SAMTOR: variants seen among roughly 807,000 people sequenced by gnomAD.
The protein encoded by SAMTOR is UPF0532 protein C7orf60.
At chr7:112,939,794 A>G in the SAMTOR span, 1 of 1,496,734 alleles carries the variant, frequency 6.7e-7, no homozygotes, top group Non-Finnish European at 9.1e-7. Flanking sequence ...GCCCCCGCAG[A>G]CGCTCCCCAG....
the SAMTOR span, among the ~76,000 whole-genome samples, chr7:112,933,494 T>G: frequency 0.023 from 3,443 of 152,334 alleles, 67 homozygotes; most frequent in Admixed American, 0.042. Context: ...CTACCTATTA[T>G]TGAAAAATCA....
chr7:112,884,815 C>T, the SAMTOR span, among the ~76,000 whole-genome samples: 1 of 152,214 alleles, frequency 6.6e-6, no homozygotes, highest in East Asian at 1.9e-4. Flanking sequence ...TAAAACTCTG[C>T]TAGGCAGTGC....
the SAMTOR span, among the ~76,000 whole-genome samples, chr7:112,843,110 T>C: frequency 4.6e-5 from 7 of 151,994 alleles, no homozygotes; most frequent in East Asian, 1.9e-4. Context: ...TCTTGAAAGA[T>C]TGTATCATAC....
chr7:112,917,879 G>A, the SAMTOR span, among the ~76,000 whole-genome samples: 11 of 152,112 alleles, frequency 7.2e-5, no homozygotes, highest in African/African-American at 1.2e-4. Flanking sequence ...GAAATGAAGC[G>A]AGAAGGGAAG....
chr7:112,880,681 T>A, the SAMTOR span, among the ~76,000 whole-genome samples: 2 of 152,200 alleles, frequency 1.3e-5, no homozygotes, highest in Non-Finnish European at 2.9e-5. Flanking sequence ...TATAAACTTA[T>A]CCAATTAAGA....
At chr7:112,868,536 T>C in the SAMTOR span, among the ~76,000 whole-genome samples, 2 of 151,608 alleles carry the variant, frequency 1.3e-5, no homozygotes, top group African/African-American at 2.4e-5. Flanking sequence ...AACTGGGAGG[T>C]AGTGTGGGGA....
At chr7:112,856,733 AT>A in the SAMTOR span, among the ~76,000 whole-genome samples, 1,616 of 152,330 alleles carry the variant, frequency 0.011, 27 homozygotes, top group African/African-American at 0.036. Flanking sequence ...TGATGTAAAA[AT>A]ATTTATTGTC....
chr7:112,853,824 T>C, the SAMTOR span, among the ~76,000 whole-genome samples: 1 of 152,174 alleles, frequency 6.6e-6, no homozygotes, highest in Non-Finnish European at 1.5e-5. Context: ...ATAAAGATTC[T>C]ATGGTTAAAA....
chr7:112,833,783 T>C, the SAMTOR span, among the ~76,000 whole-genome samples: 1 of 152,208 alleles, frequency 6.6e-6, no homozygotes, highest in South Asian at 2.1e-4. Flanking sequence ...TTGTCAGCAA[T>C]ATACTAAGCC....
the SAMTOR span, chr7:112,832,738 A>G: frequency 1.9e-5 from 21 of 1,096,042 alleles, no homozygotes; most frequent in Admixed American, 1.0e-4. Context: ...CACATAGATT[A>G]TCAGTTCTTT....
the SAMTOR span, among the ~76,000 whole-genome samples, chr7:112,899,022 A>T: frequency 6.6e-6 from 1 of 152,214 alleles, no homozygotes; most frequent in Non-Finnish European, 1.5e-5. Flanking sequence ...TAACTCTTCT[A>T]TGCCCAGACA....
chr7:112,890,417 G>T, the SAMTOR span, among the ~76,000 whole-genome samples: 3 of 151,870 alleles, frequency 2.0e-5, no homozygotes. Context: ...AGATTCCACA[G>T]ATTAAGTCTA....
At chr7:112,914,764 T>C in the SAMTOR span, among the ~76,000 whole-genome samples, 2 of 152,206 alleles carry the variant, frequency 1.3e-5, no homozygotes, top group African/African-American at 4.8e-5. Context: ...TTTAAAGCCA[T>C]ATTTTTTAAA....
At chr7:112,853,802 G>A in the SAMTOR span, among the ~76,000 whole-genome samples, 6 of 152,102 alleles carry the variant, frequency 3.9e-5, no homozygotes, top group Middle Eastern at 6.8e-3. Flanking sequence ...TTCCATAAAA[G>A]GTTTCTTCTG....
At chr7:112,846,309 G>A in the SAMTOR span, among the ~76,000 whole-genome samples, 2 of 151,854 alleles carry the variant, frequency 1.3e-5, no homozygotes, top group African/African-American at 2.4e-5. Flanking sequence ...TCACTTATAA[G>A]TGATGAGGAC....
At chr7:112,884,052 G>A in the SAMTOR span, among the ~76,000 whole-genome samples, 1 of 152,192 alleles carries the variant, frequency 6.6e-6, no homozygotes, top group Non-Finnish European at 1.5e-5. Flanking sequence ...GCAGCAAGGA[G>A]AAGTGCAGAG....
At chr7:112,939,847 G>A in the SAMTOR span, 2 of 934,740 alleles carry the variant, frequency 2.1e-6, no homozygotes, top group Non-Finnish European at 3.2e-6. Flanking sequence ...GGAGGCAGCA[G>A]CCAGAGGAGG....
the SAMTOR span, among the ~76,000 whole-genome samples, chr7:112,885,910 C>A: frequency 6.6e-6 from 1 of 152,038 alleles, no homozygotes; most frequent in Admixed American, 6.5e-5. Flanking sequence ...AAAGACATAC[C>A]CGAGACTGGG....
the SAMTOR span, chr7:112,915,258 A>G: frequency 6.6e-7 from 1 of 1,520,600 alleles, no homozygotes; most frequent in Non-Finnish European, 8.9e-7. Flanking sequence ...AAAAGAAGTT[A>G]CAACAATACA....
Sources: gnomAD v4.1 joint callset for allele counts (sites outside exome capture counted in the v4.1 genomes callset) on GRCh38, gnomAD v4.1.1 for gene constraint, MANE v1.5 for transcripts, NCBI Gene and HGNC (gene_info 2026-07-23, HGNC 2026-07-21) for gene names.